INSL6: variants seen among roughly 807,000 people sequenced by gnomAD.
The protein encoded by INSL6 is insulin like 6.
Under a neutral mutation model 9.4 loss-of-function variants are expected in INSL6, and 16 were observed. The ratio of observed to expected loss-of-function variants is 1.70; its 90% confidence interval spans 1.15 to 2.59. The LOEUF is 2.59. INSL6 is among the 30% of genes most tolerant of loss of function. The pLI, the probability that INSL6 is intolerant of heterozygous loss-of-function variation, is 0.00. For missense variants in INSL6, 391 were observed against 257.3 expected, an observed-to-expected ratio of 1.52 and a Z score of -3.56; for synonymous variants, 154 against 96.9, an observed-to-expected ratio of 1.59 and a Z score of -3.46.
the INSL6 span, chr9:5,085,883 T>C: frequency 1.2e-6 from 1 of 800,442 alleles, no homozygotes; most frequent in Non-Finnish European, 2.3e-6. Context: ...CTGTTGTTGA[T>C]ATGAGCGGTT....
the INSL6 span, among the ~76,000 whole-genome samples, chr9:5,050,504 C>G: frequency 2.0e-5 from 3 of 152,270 alleles, no homozygotes; most frequent in Admixed American, 6.5e-5. Context: ...CTCCTGGGCT[C>G]AAGTGATCTT....
intron 1 of INSL6, among the ~76,000 whole-genome samples, chr9:5,168,623 G>GA (rs1825109436): frequency 1.3e-5 from 2 of 151,790 alleles, no homozygotes; most frequent in African/African-American, 4.8e-5. Flanking sequence ...ACCTGAACAA[G>GA]ACGGGGAGAA....
At chr9:5,005,771 A>G in the INSL6 span, among the ~76,000 whole-genome samples, 8,905 of 152,232 alleles carry the variant, frequency 0.058, 345 homozygotes, top group Non-Finnish European at 0.081. Context: ...TTTACCAGCA[A>G]AGTCACTGGG....
At chr9:5,070,185 AT>A in the INSL6 span, 4 of 513,660 alleles carry the variant, frequency 7.8e-6, no homozygotes, top group Non-Finnish European at 1.3e-5. Context: ...TATTTTTCTT[AT>A]GAAAAATATG....
At chr9:5,092,510 A>ATT in the INSL6 span, among the ~76,000 whole-genome samples, 1 of 152,186 alleles carries the variant, frequency 6.6e-6, no homozygotes, top group African/African-American at 2.4e-5. Flanking sequence ...TAAAAATACT[A>ATT]TTAAACCATC....
intron 1 of INSL6, among the ~76,000 whole-genome samples, chr9:5,168,947 T>TG (rs1457879583): frequency 6.7e-6 from 1 of 150,366 alleles, no homozygotes; most frequent in Non-Finnish European, 1.5e-5. Flanking sequence ...TTTTTTGAGA[T>TG]GGAGTTTCAC....
chr9:5,123,673 G>A (rs541193492), downstream of INSL6, among the ~76,000 whole-genome samples: 6 of 152,068 alleles, frequency 3.9e-5, no homozygotes, highest in Admixed American at 3.9e-4. Flanking sequence ...ACCCCATAGT[G>A]GGAATGCTGG....
chr9:5,009,541 G>A, the INSL6 span, among the ~76,000 whole-genome samples: 58,428 of 151,544 alleles, frequency 0.39, 13,438 homozygotes, highest in African/African-American at 0.65. Flanking sequence ...TGAGAATACC[G>A]AGAAAGATTT....
chr9:5,057,842 A>T, the INSL6 span, among the ~76,000 whole-genome samples: 995 of 152,026 alleles, frequency 6.5e-3, 12 homozygotes, highest in African/African-American at 0.023. Flanking sequence ...CATCCTCCCA[A>T]AGTGCTGGGA....
chr9:5,043,021 C>T, the INSL6 span, among the ~76,000 whole-genome samples: 10 of 151,846 alleles, frequency 6.6e-5, no homozygotes, highest in Non-Finnish European at 1.3e-4. Flanking sequence ...CGGCTCGGCC[C>T]CTGGGCCCTG....
chr9:5,007,247 A>G, the INSL6 span, among the ~76,000 whole-genome samples: 1 of 152,160 alleles, frequency 6.6e-6, no homozygotes, highest in East Asian at 1.9e-4. Flanking sequence ...ATTTAAGATT[A>G]TGAATATCTT....
intron 2 of INSL6, among the ~76,000 whole-genome samples, chr9:5,153,054 G>C (rs1052995324): frequency 6.6e-6 from 1 of 152,072 alleles, no homozygotes; most frequent in African/African-American, 2.4e-5. Context: ...CAGACCAGGA[G>C]ATTCCTTCCA....
the INSL6 span, chr9:5,065,140 A>C: frequency 1.4e-6 from 1 of 707,814 alleles, no homozygotes; most frequent in Non-Finnish European, 2.0e-6. Context: ...GAAAAAAATA[A>C]TTTGACAAGT....
At chr9:4,996,413 A>G in the INSL6 span, among the ~76,000 whole-genome samples, 1 of 152,116 alleles carries the variant, frequency 6.6e-6, no homozygotes, top group Non-Finnish European at 1.5e-5. Context: ...GTGCCATTGC[A>G]CTCTAGCCTG....
At chr9:5,122,935 A>G, downstream of INSL6, 1 of 921,874 alleles carries the variant, frequency 1.1e-6, no homozygotes, top group South Asian at 1.7e-5. Flanking sequence ...TTATACAATG[A>G]TTTGCAGGTA....
At chr9:5,070,877 G>A in the INSL6 span, among the ~76,000 whole-genome samples, 21 of 152,168 alleles carry the variant, frequency 1.4e-4, no homozygotes, top group African/African-American at 4.8e-4. Flanking sequence ...AATTTAAAAG[G>A]GCCAGGTCTC....
intron 2 of INSL6, among the ~76,000 whole-genome samples, chr9:5,153,614 C>A (rs1009602328): frequency 2.0e-5 from 3 of 152,326 alleles, no homozygotes; most frequent in Non-Finnish European, 4.4e-5. Flanking sequence ...AAGCTGTAAG[C>A]AACTTCAGCA....
the INSL6 span, chr9:5,113,778 C>T: frequency 1.8e-5 from 3 of 164,972 alleles, no homozygotes; most frequent in Non-Finnish European, 4.0e-5. Context: ...GCCTCGGGTG[C>T]GTGGGCCAAA....
At chr9:5,154,882 G>A (rs1300347879) in intron 2 of INSL6, among the ~76,000 whole-genome samples, 4 of 152,148 alleles carry the variant, frequency 2.6e-5, no homozygotes, top group Non-Finnish European at 5.9e-5. Context: ...TGGTGGGACT[G>A]TAAACTAGTT....
Sources: gnomAD v4.1 joint callset for allele counts (sites outside exome capture counted in the v4.1 genomes callset) on GRCh38, gnomAD v4.1.1 for gene constraint, MANE v1.5 for transcripts, NCBI Gene and HGNC (gene_info 2026-07-23, HGNC 2026-07-21) for gene names.